The following HS3ST4 variants were observed in gnomAD, a reference collection of about 807,000 sequenced individuals.
HS3ST4 encodes heparan sulfate glucosamine 3-O-sulfotransferase 4.
HS3ST4 carries 17 observed loss-of-function variants against 29.2 expected under a neutral mutation model. The ratio of observed to expected loss-of-function variants is 0.58; its 90% CI spans 0.40 to 0.87. The LOEUF (loss-of-function observed/expected upper bound fraction) is 0.87. HS3ST4 is among the 40% of genes least tolerant of loss of function. The pLI is 0.00. For missense variants in HS3ST4, 627 were observed against 634.5 expected (o/e 0.99, Z 0.13); for synonymous variants, 314 against 285.7 (o/e 1.10, Z -1.00).
chr16:25,764,719 G>A (rs1005064213), intron 1 of HS3ST4, among the ~76,000 whole-genome samples: 1 of 152,226 alleles, frequency 6.6e-6, no homozygotes, highest in Non-Finnish European at 1.5e-5. Flanking sequence ...ATAGGAAAAT[G>A]AAGGGAGAAT....
chr16:26,047,925 A>T (rs1387696507), intron 1 of HS3ST4, among the ~76,000 whole-genome samples: 1 of 152,152 alleles, frequency 6.6e-6, no homozygotes, highest in East Asian at 1.9e-4. Context: ...TCTGATGATG[A>T]GGGCACTCAG....
At chr16:25,957,813 G>A (rs2141700293) in intron 1 of HS3ST4, among the ~76,000 whole-genome samples, 1 of 152,314 alleles carries the variant, frequency 6.6e-6, no homozygotes, top group South Asian at 2.1e-4. Context: ...TGTTTTCTGG[G>A]AGCCTGCTCT....
intron 1 of HS3ST4, among the ~76,000 whole-genome samples, chr16:25,934,307 C>A (rs1459319594): frequency 6.6e-6 from 1 of 152,120 alleles, no homozygotes; most frequent in Non-Finnish European, 1.5e-5. Flanking sequence ...CAGTCTGTCT[C>A]CCCTAGGGAG....
chr16:26,115,955 G>A (rs930233032), intron 1 of HS3ST4, among the ~76,000 whole-genome samples: 2 of 152,208 alleles, frequency 1.3e-5, no homozygotes, highest in Admixed American at 1.3e-4. Context: ...GGCAATTGTA[G>A]TGATTCTCTA....
intron 1 of HS3ST4, among the ~76,000 whole-genome samples, chr16:25,956,695 C>G (rs114885377): frequency 0.013 from 1,965 of 152,086 alleles, 42 homozygotes; most frequent in African/African-American, 0.043. Flanking sequence ...AAAGGAAAAC[C>G]TGGTTTAAAA....
chr16:25,742,561 A>G (rs1191816822), intron 1 of HS3ST4, among the ~76,000 whole-genome samples: 5 of 152,240 alleles, frequency 3.3e-5, no homozygotes, highest in Non-Finnish European at 7.3e-5. Context: ...CCAGAGGATA[A>G]TAGGGGTGCT....
At chr16:25,698,551 T>C (rs1051671619) in intron 1 of HS3ST4, among the ~76,000 whole-genome samples, 1 of 152,192 alleles carries the variant, frequency 6.6e-6, no homozygotes, top group Non-Finnish European at 1.5e-5. Context: ...CTGAGGGTAA[T>C]TGCTTCCTTT....
intron 1 of HS3ST4, among the ~76,000 whole-genome samples, chr16:25,899,740 T>C (rs754428283): frequency 7.0e-4 from 99 of 141,568 alleles, no homozygotes; most frequent in Admixed American, 3.9e-3. Flanking sequence ...CTGATTGACT[T>C]CTAAAAAGGT....
chr16:26,093,135 T>G (rs1187914426), intron 1 of HS3ST4, among the ~76,000 whole-genome samples: 1 of 152,182 alleles, frequency 6.6e-6, no homozygotes, highest in African/African-American at 2.4e-5. Context: ...GCCTACTGCC[T>G]CTGGACTACA....
intron 1 of HS3ST4, among the ~76,000 whole-genome samples, chr16:25,737,905 CTTT>C (rs11314900): frequency 9.5e-4 from 120 of 125,744 alleles, no homozygotes; most frequent in African/African-American, 1.4e-3. Flanking sequence ...CCTGTAGCTT[CTTT>C]TTTTTTTTTT....
chr16:25,900,612 G>A (rs1285159076), intron 1 of HS3ST4, among the ~76,000 whole-genome samples: 1 of 152,172 alleles, frequency 6.6e-6, no homozygotes, highest in African/African-American at 2.4e-5. Flanking sequence ...ACATTGGGAT[G>A]TAGCTGTTAT....
intron 1 of HS3ST4, among the ~76,000 whole-genome samples, chr16:25,831,796 G>A (rs572136077): frequency 6.6e-6 from 1 of 151,996 alleles, no homozygotes; most frequent in South Asian, 2.1e-4. Context: ...ATTTGGTTAG[G>A]ATATGAATAA....
chr16:26,000,562 C>G (rs1445817457), intron 1 of HS3ST4, among the ~76,000 whole-genome samples: 1 of 152,116 alleles, frequency 6.6e-6, no homozygotes, highest in Non-Finnish European at 1.5e-5. Context: ...GAAGTGGGAT[C>G]TGCTCCATGC....
chr16:25,693,092 G>C lies in HS3ST4; in HGVS notation c.675G>C (p.Ala225=). The C allele has an allele frequency of 1.2e-6, 2 of 1,608,680 alleles. No homozygotes were observed. Among genetic ancestry groups the C allele is most frequent in the Non-Finnish European group, 8.5e-7 (1 of 1,177,886 alleles). ...EAIRVHPDVR[A]VGVEPHFFDR... The stretch of plus-strand genomic sequence containing the variant: ...TCCGCGTGCACCCGGACGTGCGGGC[G>C]GTGGGCGTAGAGCCGCACTTCTTCG... Residue 225 remains alanine (A), a synonymous_variant, in exon 1 of 2, where the codon GCG becomes GCC. Coordinates refer to ENST00000331351, the MANE Select transcript of HS3ST4 (RefSeq NM_006040.3).
At chr16:26,134,366 T>C (rs1239835070) in intron 1 of HS3ST4, among the ~76,000 whole-genome samples, 3 of 147,056 alleles carry the variant, frequency 2.0e-5, no homozygotes, top group East Asian at 3.9e-4. Flanking sequence ...TCTTTTCTTT[T>C]TTTTTTTTTT....
chr16:25,990,373 C>T (rs992905245), intron 1 of HS3ST4, among the ~76,000 whole-genome samples: 1 of 152,216 alleles, frequency 6.6e-6, no homozygotes, highest in Non-Finnish European at 1.5e-5. Context: ...GCATTCCCAC[C>T]AGCAGTGAAT....
chr16:25,803,327 T>C (rs1214013782), intron 1 of HS3ST4, among the ~76,000 whole-genome samples: 1 of 152,220 alleles, frequency 6.6e-6, no homozygotes, highest in Non-Finnish European at 1.5e-5. Context: ...ACAATTTTCT[T>C]TTCTTGCTCT....
chr16:25,869,688 A>G (rs1372677651), intron 1 of HS3ST4, among the ~76,000 whole-genome samples: 1 of 152,122 alleles, frequency 6.6e-6, no homozygotes, highest in African/African-American at 2.4e-5. Flanking sequence ...CCTAGTATCA[A>G]TTCATATGAT....
At chr16:25,700,701 AT>A (rs948777078) in intron 1 of HS3ST4, among the ~76,000 whole-genome samples, 1 of 152,094 alleles carries the variant, frequency 6.6e-6, no homozygotes, top group Non-Finnish European at 1.5e-5. Flanking sequence ...TAATCTCCTG[AT>A]TTCATTGGTT....
Sources: allele counts gnomAD v4.1 joint callset (sites outside exome capture counted in the v4.1 genomes callset), GRCh38; gene constraint gnomAD v4.1.1; transcripts MANE v1.5; gene names NCBI Gene and HGNC (gene_info 2026-07-23, HGNC 2026-07-21).